The following TMEM154 variants were observed in gnomAD, a reference collection of about 807,000 sequenced individuals.
TMEM154 encodes transmembrane protein 154.
Under a neutral mutation model 24.5 loss-of-function variants are expected in TMEM154, and 27 were observed. The ratio of observed to expected loss-of-function variants is 1.10; its 90% confidence interval spans 0.81 to 1.52. TMEM154 has a LOEUF of 1.52. TMEM154 is among the 40% of genes most tolerant of loss of function. The pLI, the probability that TMEM154 is intolerant of heterozygous loss-of-function variation, is 0.00. For synonymous variants in TMEM154, 67 were observed against 76.8 expected, an observed-to-expected ratio of 0.87 and a Z score of 0.67; for missense variants, 228 against 213.4, an observed-to-expected ratio of 1.07 and a Z score of -0.43.
At chr4:152,630,518 A>G (rs2149777373) in intron 6 of TMEM154, among the ~76,000 whole-genome samples, 1 of 152,264 alleles carries the variant, frequency 6.6e-6, no homozygotes, top group South Asian at 2.1e-4. Context: ...CCAGGAGTCT[A>G]TCTCTACAGA....
intron 1 of TMEM154, among the ~76,000 whole-genome samples, chr4:152,675,215 T>C (rs1457461444): frequency 6.7e-6 from 1 of 148,340 alleles, no homozygotes; most frequent in Non-Finnish European, 1.5e-5. Context: ...GGCAAGATTA[T>C]GTCTACACAA....
chr4:152,664,831 C>T (rs2149788592), intron 1 of TMEM154, among the ~76,000 whole-genome samples: 1 of 152,290 alleles, frequency 6.6e-6, no homozygotes, highest in African/African-American at 2.4e-5. Context: ...GATGTCAAGC[C>T]CTCAAACTCT....
At chr4:152,645,679 G>T (rs892084598) in intron 3 of TMEM154, among the ~76,000 whole-genome samples, 6 of 152,194 alleles carry the variant, frequency 3.9e-5, no homozygotes, top group Admixed American at 6.5e-5. Context: ...AGAAATGGAG[G>T]TCCTCAGTGA....
chr4:152,662,416 T>A (rs746029759), intron 1 of TMEM154, among the ~76,000 whole-genome samples: 4 of 151,794 alleles, frequency 2.6e-5, no homozygotes, highest in Non-Finnish European at 4.4e-5. Flanking sequence ...CAAGGAGGAA[T>A]CAAATGTCAT....
intron 1 of TMEM154, among the ~76,000 whole-genome samples, chr4:152,670,477 T>C (rs1269170913): frequency 1.3e-5 from 2 of 152,062 alleles, no homozygotes; most frequent in Non-Finnish European, 2.9e-5. Context: ...GTGCCTGTAA[T>C]CCCAGCTACT....
intron 1 of TMEM154, among the ~76,000 whole-genome samples, chr4:152,658,743 T>G (rs6820190): frequency 6.6e-6 from 1 of 151,060 alleles, no homozygotes; most frequent in South Asian, 2.1e-4. Flanking sequence ...AACCCAGGAG[T>G]TGGAGGTTGC....
intron 3 of TMEM154, chr4:152,647,432 C>T (rs765149779): frequency 1.2e-5 from 8 of 650,570 alleles, no homozygotes; most frequent in South Asian, 6.8e-5. Flanking sequence ...TTAGTGATCA[C>T]GTCTGTGTTA....
intron 1 of TMEM154, among the ~76,000 whole-genome samples, chr4:152,679,266 A>G (rs1055657985): frequency 1.3e-5 from 2 of 151,974 alleles, no homozygotes; most frequent in African/African-American, 2.4e-5. Context: ...AAAAATCTGT[A>G]AAAGTAACAA....
At chr4:152,628,599 AAACAC>A (rs1751966636) in intron 6 of TMEM154, 38 bp from the exon 7 acceptor site, 27 of 1,123,506 alleles carry the variant, frequency 2.4e-5, no homozygotes, top group Middle Eastern at 2.8e-4. Context: ...AAAACAAAAA[AAACAC>A]ACACACACAC....
intron 3 of TMEM154, among the ~76,000 whole-genome samples, chr4:152,651,326 T>A (rs1176235885): frequency 6.6e-6 from 1 of 152,172 alleles, no homozygotes; most frequent in East Asian, 1.9e-4. Context: ...TCAGATGGCA[T>A]CTTCTTCCAA....
In TMEM154 at chr4:152,652,737, A is replaced by G; in HGVS notation, c.255T>C (p.Ile85=). Residue 85 remains isoleucine, a synonymous_variant, in exon 2 of 7, where the codon ATT becomes ATC. Transcript: ENST00000304385. ...EFILMVLIPL[I]LLVLLLLSVV... ...CGGATAAAAGTAAGAGGACCAATAA[A>G]ATCAATGGGATTAACACCATCAGTA... The G allele has an allele frequency of 6.2e-7, 1 of 1,614,090 alleles. No homozygotes were observed. The highest frequency in any genetic ancestry group is 8.5e-7 in the Non-Finnish European group (1 of 1,179,980).
chr4:152,671,719 C>A (rs1728841675), intron 1 of TMEM154, among the ~76,000 whole-genome samples: 1 of 109,492 alleles, frequency 9.1e-6, no homozygotes, highest in South Asian at 3.2e-4. Context: ...TGCACTCCAG[C>A]CTGGGCGACA....
At chr4:152,655,404 G>T (rs1270890723) in intron 1 of TMEM154, among the ~76,000 whole-genome samples, 1 of 152,202 alleles carries the variant, frequency 6.6e-6, no homozygotes, top group East Asian at 1.9e-4. Context: ...CTGTGCAATG[G>T]CATTGCTCCA....
chr4:152,619,386 T>G lies in TMEM154; in HGVS notation c.*9160A>C, dbSNP rs2149774400. 6.6e-6 allele frequency: 1 copy of G among 152,300 alleles called. No homozygotes were observed. 9.4% of individuals were successfully genotyped at this position (152,300 alleles called of 1,614,324 possible). On this transcript the variant is annotated 3_prime_UTR_variant, in exon 7 of 7. Coordinates refer to ENST00000304385, the MANE Select transcript of TMEM154 (RefSeq NM_152680.3). ...CGATATTGCATGAAGACACACCAAT[T>G]TGGGCAGATCACATTTTCCAACGGT...
chr4:152,677,889 G>T (rs1728980243), intron 1 of TMEM154, among the ~76,000 whole-genome samples: 1 of 152,146 alleles, frequency 6.6e-6, no homozygotes, highest in South Asian at 2.1e-4. Context: ...AACTACAGAG[G>T]ATTTTCCCTG....
At position 152,620,961 on chromosome 4, in the gene TMEM154, G is replaced by A. The variant is rs1022499786; in HGVS notation, c.*7585C>T. On this transcript the variant is annotated 3_prime_UTR_variant, in exon 7 of 7. Coordinates refer to ENST00000304385, the MANE Select transcript of TMEM154 (RefSeq NM_152680.3). ...ATTACTAGGATTAAAATGAGATGAT[G>A]TATGTTTAGTGTTTAGCACCTTCTG... 3.9e-5 allele frequency: 6 copies of A among 152,184 alleles called. No individual in the cohort carries two copies. The highest frequency in any genetic ancestry group is 1.4e-4 in the African/African-American group (6 of 41,442). 9.4% of individuals were successfully genotyped at this position (152,184 alleles called of 1,614,324 possible). A position where few individuals can be genotyped will look rare whatever the true frequency, so the allele number is the denominator to read the frequency against.
In TMEM154 at chr4:152,652,675, G is replaced by C; in HGVS notation, c.317C>G (p.Thr106Ser). The change falls in exon 2 of 7, where the codon ACT becomes AGT. Residue 106 changes from threonine to serine, a missense_variant. Physicochemically the swap from Thr to Ser is moderately conservative, Grantham distance 58. Coordinates refer to ENST00000304385, the MANE Select transcript of TMEM154 (RefSeq NM_152680.3). ...FLATYYKRKR[T>S]KQEPSSQGSQ... ...ATACACCAAATATTTACCTTGTTTA[G>C]TTCTTTTTCTTTTATAGTATGTTGC... 1 of 1,613,252 alleles carries C rather than the reference G, an allele frequency of 6.2e-7. No homozygotes were observed. The highest frequency in any genetic ancestry group is 8.5e-7 in the Non-Finnish European group (1 of 1,179,740).
At chr4:152,656,953 G>A (rs1728504356) in intron 1 of TMEM154, among the ~76,000 whole-genome samples, 1 of 151,264 alleles carries the variant, frequency 6.6e-6, no homozygotes. Context: ...GTATGAATGA[G>A]AGAAATTCAC....
intron 1 of TMEM154, among the ~76,000 whole-genome samples, chr4:152,653,957 T>C (rs1176184823): frequency 2.0e-5 from 3 of 151,434 alleles, no homozygotes; most frequent in Non-Finnish European, 4.4e-5. Context: ...GAGAATTGCT[T>C]GAACCCAGGA....
Sources: allele counts gnomAD v4.1 joint callset (sites outside exome capture counted in the v4.1 genomes callset), GRCh38; gene constraint gnomAD v4.1.1; transcripts MANE v1.5; gene names NCBI Gene and HGNC (gene_info 2026-07-23, HGNC 2026-07-21).